DISC1: variants seen among roughly 807,000 people sequenced by gnomAD.
The protein encoded by DISC1 is disrupted in schizophrenia 1 protein.
DISC1 carries 57 observed loss-of-function variants against 84.5 expected under a neutral mutation model. The observed-to-expected ratio is 0.67, with a 90% CI of 0.55 to 0.84. The LOEUF is 0.84. DISC1 is among the 40% of genes least tolerant of loss of function. The pLI is 0.00. For missense variants in DISC1, 1,000 were observed against 1,057.8 expected (o/e 0.95, Z 0.76); for synonymous variants, 411 against 415.2 (o/e 0.99, Z 0.12).
chr1:231,651,393 G>A (rs1008523862), intron 1 of DISC1, among the ~76,000 whole-genome samples: 1 of 152,186 alleles, frequency 6.6e-6, no homozygotes, highest in Non-Finnish European at 1.5e-5. Context: ...TATCACCAGT[G>A]GAGGCTGCAG....
Position 231,767,289 on chromosome 1 carries a change from T to G in DISC1, c.1398+20T>G. ...CTACAGGTGAGCAGGTGAAAGATCT[T>G]CAAGAAATATGATGGCATTTTTCTT... On this transcript the variant is annotated intron_variant, in intron 5 of 12. Coordinates refer to ENST00000439617, the MANE Select transcript of DISC1 (RefSeq NM_018662.3). 6.2e-7 allele frequency: 1 copy of G among 1,614,082 alleles called. No homozygotes were observed.
At chr1:231,780,237 T>A (rs201247807) in intron 6 of DISC1, among the ~76,000 whole-genome samples, 482 of 103,684 alleles carry the variant, frequency 4.6e-3, no homozygotes, top group Non-Finnish European at 5.4e-3. Flanking sequence ...TAAAGTATAA[T>A]AAAAAAAAAA....
At chr1:231,812,932 T>C (rs1436907127) in intron 8 of DISC1, among the ~76,000 whole-genome samples, 2 of 152,182 alleles carry the variant, frequency 1.3e-5, no homozygotes, top group Admixed American at 1.3e-4. Flanking sequence ...TCTCATGGCT[T>C]GGGTCTTGAT....
chr1:231,919,686 T>G (rs1276585378), intron 9 of DISC1, among the ~76,000 whole-genome samples: 1 of 152,190 alleles, frequency 6.6e-6, no homozygotes, highest in African/African-American at 2.4e-5. Flanking sequence ...CCAAAATGAG[T>G]TCTGTTAGGG....
intron 6 of DISC1, among the ~76,000 whole-genome samples, chr1:231,792,358 C>T (rs200591066): frequency 2.6e-5 from 4 of 152,092 alleles, no homozygotes; most frequent in Non-Finnish European, 2.9e-5. Context: ...TGCTTGACCT[C>T]CTTTTTTGTG....
chr1:231,716,312 T>C (rs1258221849), intron 3 of DISC1, among the ~76,000 whole-genome samples: 2 of 82,590 alleles, frequency 2.4e-5, no homozygotes, highest in Non-Finnish European at 4.4e-5. Context: ...TTTCTTTCAA[T>C]CTGCAAAAAA....
chr1:231,843,563 G>A (rs1321771022), intron 9 of DISC1, among the ~76,000 whole-genome samples: 1 of 152,228 alleles, frequency 6.6e-6, no homozygotes, highest in African/African-American at 2.4e-5. Flanking sequence ...TGGCAGGAGA[G>A]AGGAAGGTGA....
intron 3 of DISC1, chr1:231,745,522 TA>T: frequency 5.2e-6 from 1 of 191,906 alleles, no homozygotes. Context: ...GCGCTCAGCC[TA>T]AACATTCATT....
chr1:231,771,098 G>C, intron 6 of DISC1, 28 bp downstream of exon 6: 1 of 1,547,390 alleles, frequency 6.5e-7, no homozygotes. Context: ...ACTGATTTTG[G>C]GTCGCTCGCC....
At chr1:231,981,392 G>A (rs1392224267) in intron 10 of DISC1, among the ~76,000 whole-genome samples, 3 of 152,212 alleles carry the variant, frequency 2.0e-5, no homozygotes, top group Non-Finnish European at 4.4e-5. Context: ...TTGGACAGAA[G>A]ACTGTCGTAG....
At chr1:231,747,437 G>A (rs1329462052) in intron 3 of DISC1, among the ~76,000 whole-genome samples, 4 of 152,108 alleles carry the variant, frequency 2.6e-5, no homozygotes, top group Non-Finnish European at 4.4e-5. Flanking sequence ...TTCATATAAG[G>A]TGAGAGACAG....
chr1:231,664,813 A>AT (rs944489555), intron 1 of DISC1, among the ~76,000 whole-genome samples: 23 of 150,212 alleles, frequency 1.5e-4, no homozygotes, highest in Admixed American at 2.7e-4. Flanking sequence ...TTCTACATGA[A>AT]TTTTTTTTTT....
At chr1:231,732,598 C>G (rs2071668169) in intron 3 of DISC1, among the ~76,000 whole-genome samples, 1 of 152,064 alleles carries the variant, frequency 6.6e-6, no homozygotes, top group South Asian at 2.1e-4. Flanking sequence ...GATGTGTGTC[C>G]TTTTTGACCT....
chr1:231,907,047 C>CTCCCTTCCTTCCTT (rs1553391961), intron 9 of DISC1, among the ~76,000 whole-genome samples: 3 of 14,568 alleles, frequency 2.1e-4, no homozygotes. Context: ...CTTTCCCTCC[C>CTCCCTTCCTTCCTT]TCCTCCCTCC....
At chr1:231,799,329 A>C (rs2079003200) in intron 7 of DISC1, among the ~76,000 whole-genome samples, 1 of 152,120 alleles carries the variant, frequency 6.6e-6, no homozygotes, top group Non-Finnish European at 1.5e-5. Context: ...ACTAGTAATT[A>C]AATTTAGCTT....
intron 9 of DISC1, among the ~76,000 whole-genome samples, chr1:231,896,188 G>A (rs949871091): frequency 3.9e-5 from 6 of 152,228 alleles, no homozygotes; most frequent in East Asian, 3.9e-4. Flanking sequence ...ATCTGGGGTC[G>A]CATTCAATGG....
At chr1:231,747,257 G>A (rs2074093864) in intron 3 of DISC1, among the ~76,000 whole-genome samples, 2 of 152,150 alleles carry the variant, frequency 1.3e-5, no homozygotes, top group Non-Finnish European at 2.9e-5. Flanking sequence ...TTGCTGTGCA[G>A]AAGATTTTTA....
intron 1 of DISC1, among the ~76,000 whole-genome samples, chr1:231,642,548 G>T (rs146555098): frequency 1.4e-3 from 210 of 152,370 alleles, no homozygotes; most frequent in Non-Finnish European, 2.1e-3. Flanking sequence ...GACAGTGAAG[G>T]CTGTGTAACA....
chr1:231,760,733 A>G (rs539577676), intron 4 of DISC1, among the ~76,000 whole-genome samples: 1 of 152,308 alleles, frequency 6.6e-6, no homozygotes, highest in East Asian at 1.9e-4. Flanking sequence ...ATTTTCTCAC[A>G]GGTGGATTTC....
Sources: gnomAD v4.1 joint callset for allele counts (sites outside exome capture counted in the v4.1 genomes callset) on GRCh38, gnomAD v4.1.1 for gene constraint, MANE v1.5 for transcripts, NCBI Gene and HGNC (gene_info 2026-07-23, HGNC 2026-07-21) for gene names.